Variants in METTL23 observed in about 807,000 individuals in gnomAD.
METTL23 encodes the protein methyltransferase 23, arginine.
A neutral mutation model predicts 21.2 loss-of-function variants in METTL23; 24 were observed. That is an observed-to-expected ratio of 1.13 (90% CI 0.82 to 1.59). METTL23 has a LOEUF of 1.59. Among genes scored for constraint, METTL23 ranks in the 40% most tolerant of loss-of-function variants. METTL23 has a pLI of 0.00. For synonymous variants in METTL23, 97 were observed against 75.2 expected (o/e 1.29, Z -1.50); for missense variants, 276 against 221.4 (o/e 1.25, Z -1.57).
rs370510693 is a variant in METTL23 at position 76,733,650 on chromosome 17, A to C, written c.537A>C (p.Glu179Asp). Residue 179 changes from glutamate to aspartate, a missense_variant, in exon 5 of 5, where the codon GAA (glutamate) becomes GAC (aspartate). Glu to Asp is a conservative substitution (Grantham distance 45). Transcript: ENST00000341249. ...CCCTTCCAGGAAGACATACAGTTGAAATGCTGGTCATTTCCTTTGCAAAGG... is the reference window on the plus strand; with the variant it reads ...CCCTTCCAGGAAGACATACAGTTGACATGCTGGTCATTTCCTTTGCAAAGG... ...ESTLPGRHTV[E>D]MLVISFAKDS... 2 of 1,613,684 alleles carry C rather than the reference A, an allele frequency of 1.2e-6. No homozygotes were observed. The highest frequency in any genetic ancestry group is 1.7e-6 in the Non-Finnish European group (2 of 1,179,832).
intron 2 of METTL23, among the ~76,000 whole-genome samples, chr17:76,731,072 A>C (rs1280862226): frequency 7.3e-5 from 11 of 151,454 alleles, no homozygotes; most frequent in South Asian, 2.1e-4. Context: ...GCACCACTGC[A>C]CTCCAGCCTG....
Position 76,733,878 on chromosome 17 carries a change from G to A in METTL23, c.*192G>A. ...ACAAAAATTAAAATACGTATTACAA[G>A]TACTTGGATTGTTCCTTAGTCATTA... is the stretch of plus-strand genomic sequence containing the variant. On this transcript the variant is annotated 3_prime_UTR_variant, in exon 5 of 5. Coordinates refer to ENST00000341249, the MANE Select transcript of METTL23 (RefSeq NM_001080510.5). 2.2e-6 allele frequency: 1 copy of A among 463,560 alleles called. No homozygotes were observed. The highest frequency in any genetic ancestry group is 3.3e-5 in the East Asian group (1 of 29,890). The allele number at this position is 463,560 out of a possible 1,614,324, so 28.7% of individuals were successfully genotyped here. A position where few individuals can be genotyped will look rare whatever the true frequency, so the allele number is the denominator to read the frequency against.
At position 76,726,903 on chromosome 17, in the gene METTL23, G is replaced by A. The variant is rs998222216; in HGVS notation, c.-297G>A. ...GTGTGAGTCTCTTTCGCCTTGCTCC[G>A]GGCTTTCTTCGCTCGCAGCGCGGCA... is the stretch of plus-strand genomic sequence containing the variant. On this transcript the variant is annotated 5_prime_UTR_variant, in exon 1 of 5. Coordinates refer to ENST00000341249, the MANE Select transcript of METTL23 (RefSeq NM_001080510.5). 1 of 452,388 alleles carries A rather than the reference G, an allele frequency of 2.2e-6. No individual in the cohort carries two copies. Among genetic ancestry groups the A allele is most frequent in the Non-Finnish European group, 4.5e-6 (1 of 223,814 alleles). The allele number at this position is 452,388 out of a possible 1,614,324, so 28.0% of individuals were successfully genotyped here.
In METTL23 at chr17:76,733,656, G is replaced by T. The variant is rs779433099; in HGVS notation, c.543G>T (p.Leu181=). Residue 181 remains leucine, a synonymous_variant, in exon 5 of 5, where the codon CTG becomes CTT. Coordinates refer to ENST00000341249, the MANE Select transcript of METTL23 (RefSeq NM_001080510.5). ...TLPGRHTVEM[L]VISFAKDSL is the part of the protein sequence containing the mutation. ...CAGGAAGACATACAGTTGAAATGCT[G>T]GTCATTTCCTTTGCAAAGGACAGTC... is the stretch of plus-strand genomic sequence containing the variant. 6.2e-7 allele frequency: 1 copy of T among 1,613,458 alleles called. No individual in the cohort carries two copies. Among genetic ancestry groups the T allele is most frequent in the South Asian group, 1.1e-5 (1 of 90,962 alleles).
At chr17:76,727,581 G>C (rs2076999231) in intron 1 of METTL23, among the ~76,000 whole-genome samples, 1 of 152,186 alleles carries the variant, frequency 6.6e-6, no homozygotes, top group Non-Finnish European at 1.5e-5. Flanking sequence ...TCTTGTCCAA[G>C]GGTTTCTTGA....
Position 76,733,656 on chromosome 17 carries a change from G to A in METTL23, c.543G>A (p.Leu181=), listed in dbSNP as rs779433099. 1 of 1,613,458 alleles carries A rather than the reference G, an allele frequency of 6.2e-7. No homozygotes were observed. Among genetic ancestry groups the A allele is most frequent in the East Asian group, 2.2e-5 (1 of 44,874 alleles). The change falls in exon 5 of 5, where the codon CTG becomes CTA. Residue 181 remains leucine (L), a synonymous_variant. Transcript: ENST00000341249. ...TLPGRHTVEM[L]VISFAKDSL Reference sequence around the variant, plus strand: ...CAGGAAGACATACAGTTGAAATGCTGGTCATTTCCTTTGCAAAGGACAGTC... The same window carrying A: ...CAGGAAGACATACAGTTGAAATGCTAGTCATTTCCTTTGCAAAGGACAGTC...
Position 76,733,787 on chromosome 17 carries a change from G to T in METTL23, c.*101G>T, listed in dbSNP as rs144767209. On this transcript the variant is annotated 3_prime_UTR_variant, in exon 5 of 5. Coordinates refer to ENST00000341249, the MANE Select transcript of METTL23 (RefSeq NM_001080510.5). ...TTCAGCTTGAGAATGCAGTGGGTCT[G>T]AAGATGGTCAAGTCTGTTTGCCTTA... 1,598 of 1,045,906 alleles carry T rather than the reference G, an allele frequency of 1.5e-3. 16 individuals carry two copies. In the African/African-American group the frequency reaches 0.022, roughly 15 times the overall value. The allele number at this position is 1,045,906 out of a possible 1,614,324, so 64.8% of individuals were successfully genotyped here.
At chr17:76,729,239 C>T (rs561611495) in intron 1 of METTL23, among the ~76,000 whole-genome samples, 3 of 152,024 alleles carry the variant, frequency 2.0e-5, no homozygotes, top group South Asian at 2.1e-4. Flanking sequence ...CCACCATGCC[C>T]GGCTAATTTT....
At chr17:76,728,271 A>ATT (rs1203601813) in intron 1 of METTL23, among the ~76,000 whole-genome samples, 1 of 142,590 alleles carries the variant, frequency 7.0e-6, no homozygotes, top group East Asian at 2.0e-4. Flanking sequence ...AGTGGAGGCT[A>ATT]TTTCTGATTG....
At position 76,732,994 on chromosome 17, in the gene METTL23, G is replaced by T; in HGVS notation, c.101G>T (p.Ser34Ile). The T allele has an allele frequency of 6.3e-7, 1 of 1,578,362 alleles. No individual in the cohort carries two copies. The highest frequency in any genetic ancestry group is 1.2e-5 in the South Asian group (1 of 86,496). Residue 34 changes from serine to isoleucine, a missense_variant, in exon 3 of 5, where the codon AGC (serine) becomes ATC (isoleucine). Ser to Ile is a moderately radical substitution (Grantham distance 142). Transcript: ENST00000341249. ...ACTTATTAGATTGGAGCTGGAGTGA[G>T]CCTTCCAGGAATTTTGGCTGCCAAA... is the stretch of plus-strand genomic sequence containing the variant. ...KAILEIGAGV[S>I]LPGILAAKCG...
intron 1 of METTL23, among the ~76,000 whole-genome samples, chr17:76,728,302 T>C (rs1036752229): frequency 2.1e-5 from 3 of 143,772 alleles, no homozygotes; most frequent in Admixed American, 2.0e-4. Flanking sequence ...GCTTCACTTT[T>C]TTTTGCTAAC....
chr17:76,733,442 T>C, intron 4 of METTL23, 65 bp downstream of exon 4: 1 of 1,597,218 alleles, frequency 6.3e-7, no homozygotes, highest in Non-Finnish European at 8.5e-7. Context: ...ACCCATGCGA[T>C]ACATAATTTA....
rs569806007 is a variant in METTL23 at position 76,729,021 on chromosome 17, G to A, written c.-21-669G>A. ...TCACCGCGTTAGCCAGGATGGTCTC[G>A]ATCTCCTGACCTGATGATCCACCCA... On this transcript the variant is annotated intron_variant, in intron 1 of 4. Transcript: ENST00000341249. Among the ~76,000 whole-genome samples the A allele has an allele frequency of 9.3e-5, 14 of 150,364 alleles. No homozygotes were observed. The East Asian group carries it at 2.6e-3, about 28-fold the overall frequency.
At chr17:76,726,446 G>A (rs2076937948), upstream of METTL23, 1 of 1,603,364 alleles carries the variant, frequency 6.2e-7, no homozygotes, top group East Asian at 2.3e-5. Flanking sequence ...GCTTGGCCTC[G>A]CGGATGCGCT....
upstream of METTL23, chr17:76,726,598 G>A (rs1465329036): frequency 4.5e-6 from 6 of 1,342,440 alleles, no homozygotes; most frequent in East Asian, 1.0e-4. Flanking sequence ...GCTCAGTCCC[G>A]GCGCCTTTAA....
At chr17:76,726,233 G>A (rs1598388141), upstream of METTL23, 2 of 1,348,370 alleles carry the variant, frequency 1.5e-6, no homozygotes, top group East Asian at 5.7e-5. Context: ...GTGCGGGTGA[G>A]CCTCTACGAG....
At chr17:76,733,264 A>C in intron 3 of METTL23, 29 bp from the exon 4 acceptor site, 1 of 1,613,398 alleles carries the variant, frequency 6.2e-7, no homozygotes, top group Non-Finnish European at 8.5e-7. Context: ...TGCTATATGA[A>C]AATCTATTCA....
At position 76,733,503 on chromosome 17, in the gene METTL23, C is replaced by A. The variant is rs372225387; in HGVS notation, c.408-18C>A. On this transcript the variant is annotated intron_variant, in intron 4 of 4. Coordinates refer to ENST00000341249, the MANE Select transcript of METTL23 (RefSeq NM_001080510.5). The stretch of plus-strand genomic sequence containing the variant: ...CAGAAAAGGCATGACTTTAAAAGAA[C>A]AACTTTTTTTTTTTAAGTGCTGACT... 6.9e-6 allele frequency: 11 copies of A among 1,598,366 alleles called. No individual in the cohort carries two copies. In the Admixed American group the frequency reaches 1.8e-4, roughly 26 times the overall value.
At chr17:76,730,801 C>G (rs1568011636) in intron 2 of METTL23, among the ~76,000 whole-genome samples, 1 of 151,668 alleles carries the variant, frequency 6.6e-6, no homozygotes, top group Non-Finnish European at 1.5e-5. Context: ...AACCCCGTCT[C>G]TACTATAAAT....
Sources: allele counts gnomAD v4.1 joint callset (sites outside exome capture counted in the v4.1 genomes callset), GRCh38; gene constraint gnomAD v4.1.1; transcripts MANE v1.5; gene names NCBI Gene and HGNC (gene_info 2026-07-23, HGNC 2026-07-21).